The following ACSF3 variants were observed in gnomAD, a reference collection of about 807,000 sequenced individuals.
ACSF3 encodes the protein acyl-CoA synthetase family member 3, also known as malonate--CoA ligase ACSF3, mitochondrial.
A neutral mutation model predicts 53.2 loss-of-function variants in ACSF3; 78 were observed. The observed-to-expected ratio is 1.47, with a 90% confidence interval of 1.22 to 1.77. The LOEUF is 1.77. Among genes scored for constraint, ACSF3 ranks in the 40% most tolerant of loss-of-function variants. The pLI is 0.00. For missense variants in ACSF3, 937 were observed against 771.1 expected (o/e 1.22, Z -2.55); for synonymous variants, 414 against 333.1 (o/e 1.24, Z -2.65).
intron 6 of ACSF3, among the ~76,000 whole-genome samples, chr16:89,116,604 T>TGCAGAGC (rs1179404225): frequency 1.3e-5 from 2 of 152,154 alleles, no homozygotes; most frequent in African/African-American, 2.4e-5. Flanking sequence ...TCAGCTGCCG[T>TGCAGAGC]GCAGAGCTGC....
chr16:89,108,159 C>T (rs1250520064), intron 4 of ACSF3, among the ~76,000 whole-genome samples: 1 of 152,324 alleles, frequency 6.6e-6, no homozygotes, highest in East Asian at 1.9e-4. Context: ...CCCTGGGCAC[C>T]TCCCACAACA....
intron 10 of ACSF3, chr16:89,150,898 G>A: frequency 1.0e-6 from 1 of 957,806 alleles, no homozygotes; most frequent in African/African-American, 1.7e-5. Flanking sequence ...AACAGGAAGG[G>A]AGGCAGGAGG....
intron 4 of ACSF3, among the ~76,000 whole-genome samples, chr16:89,108,466 G>C (rs745401182): frequency 3.3e-5 from 5 of 151,996 alleles, no homozygotes; most frequent in Admixed American, 6.6e-5. Context: ...CAGCTCTATC[G>C]AGATACAGTT....
chr16:89,109,833 C>A (rs143205258), intron 4 of ACSF3, among the ~76,000 whole-genome samples: 9 of 152,280 alleles, frequency 5.9e-5, no homozygotes, highest in African/African-American at 2.2e-4. Flanking sequence ...GGGATCCTCC[C>A]GCCTCAGCCT....
chr16:89,118,539 T>A (rs943943535), intron 6 of ACSF3, among the ~76,000 whole-genome samples: 2 of 144,212 alleles, frequency 1.4e-5, no homozygotes, highest in African/African-American at 5.1e-5. Context: ...GCCTCGCTGC[T>A]CAGTGCACTG....
At chr16:89,145,529 C>T (rs947102904) in intron 9 of ACSF3, 128 bp downstream of exon 9, 1 of 1,178,676 alleles carries the variant, frequency 8.5e-7, no homozygotes, top group African/African-American at 1.5e-5. Flanking sequence ...TGATGCTCAC[C>T]TCTGGTCCCT....
chr16:89,115,834 G>A (rs929068185), intron 6 of ACSF3, among the ~76,000 whole-genome samples: 36 of 152,196 alleles, frequency 2.4e-4, no homozygotes, highest in African/African-American at 8.4e-4. Context: ...GTGTCATTCC[G>A]TTTTCAACTG....
At chr16:89,103,665 C>T (rs1214917207) in intron 4 of ACSF3, among the ~76,000 whole-genome samples, 1 of 152,240 alleles carries the variant, frequency 6.6e-6, no homozygotes, top group Non-Finnish European at 1.5e-5. Context: ...GCCACTGTGG[C>T]AGCCCTCGGT....
At chr16:89,141,979 G>C (rs1313968169) in intron 8 of ACSF3, among the ~76,000 whole-genome samples, 2 of 152,200 alleles carry the variant, frequency 1.3e-5, no homozygotes, top group Admixed American at 6.5e-5. Context: ...AGTGCTGCTG[G>C]GGGAGTCTCA....
chr16:89,152,823 T>C (rs1181229927), intron 10 of ACSF3: 2 of 152,042 alleles, frequency 1.3e-5, no homozygotes, highest in African/African-American at 4.8e-5. Flanking sequence ...GAGGCTTCAG[T>C]GAGCCATGAC....
At chr16:89,115,162 T>TA (rs1056190094) in intron 6 of ACSF3, 5 of 166,282 alleles carry the variant, frequency 3.0e-5, no homozygotes, top group Admixed American at 1.1e-4. Flanking sequence ...AGTGCAGACT[T>TA]AAAGTGAGAC....
At chr16:89,098,068 C>A (rs947573023) in intron 1 of ACSF3, among the ~76,000 whole-genome samples, 2 of 151,324 alleles carry the variant, frequency 1.3e-5, no homozygotes, top group Admixed American at 1.3e-4. Flanking sequence ...AGCGAGACTC[C>A]GTCTCAAAAA....
intron 8 of ACSF3, among the ~76,000 whole-genome samples, chr16:89,135,075 T>G (rs936744746): frequency 6.6e-6 from 1 of 151,174 alleles, no homozygotes; most frequent in Non-Finnish European, 1.5e-5. Flanking sequence ...TTCCTGGTTT[T>G]TTTTTTTTTT....
intron 7 of ACSF3, among the ~76,000 whole-genome samples, chr16:89,129,664 C>G (rs182847910): frequency 5.3e-5 from 8 of 152,214 alleles, no homozygotes; most frequent in African/African-American, 1.9e-4. Context: ...TATGTGTTTA[C>G]TATTGTTCCC....
chr16:89,108,586 T>C (rs1976303386), intron 4 of ACSF3, among the ~76,000 whole-genome samples: 1 of 152,236 alleles, frequency 6.6e-6, no homozygotes, highest in Non-Finnish European at 1.5e-5. Context: ...ATCTGCTTTC[T>C]GCCTCTAGGA....
intron 8 of ACSF3, chr16:89,136,595 G>C (rs1304051812): frequency 6.2e-6 from 8 of 1,285,578 alleles, no homozygotes; most frequent in Non-Finnish European, 8.1e-6. Flanking sequence ...GGGCACAGGG[G>C]ACAGCCAGGG....
chr16:89,098,060 C>T (rs554887502), intron 1 of ACSF3, among the ~76,000 whole-genome samples: 13 of 151,746 alleles, frequency 8.6e-5, no homozygotes, highest in Admixed American at 3.3e-4. Flanking sequence ...GGTGACAGAG[C>T]GAGACTCCGT....
At chr16:89,144,485 T>C (rs563032760) in intron 8 of ACSF3, among the ~76,000 whole-genome samples, 2 of 152,368 alleles carry the variant, frequency 1.3e-5, no homozygotes, top group South Asian at 2.1e-4. Context: ...TGCGTGGGCC[T>C]TGGTGCCTCT....
chr16:89,148,789 C>T (rs1251444027), intron 10 of ACSF3: 1 of 152,216 alleles, frequency 6.6e-6, no homozygotes, highest in African/African-American at 2.4e-5. Context: ...GCCAGTGTCC[C>T]TCAGGGCAGT....
Sources: allele counts gnomAD v4.1 joint callset (sites outside exome capture counted in the v4.1 genomes callset), GRCh38; gene constraint gnomAD v4.1.1; transcripts MANE v1.5; gene names NCBI Gene and HGNC (gene_info 2026-07-23, HGNC 2026-07-21).